The following PWWP2A variants were observed in gnomAD, a reference collection of about 807,000 sequenced individuals.
The protein encoded by PWWP2A is PWWP domain-containing protein 2A.
PWWP2A carries 18 observed loss-of-function variants against 48.5 expected under a neutral mutation model. The observed-to-expected ratio is 0.37, with a 90% CI of 0.26 to 0.55. The LOEUF is 0.55. PWWP2A is among the 20% of genes least tolerant of loss of function. The pLI, the probability that PWWP2A is intolerant of heterozygous loss-of-function variation, is 0.81. For missense variants in PWWP2A, 867 were observed against 976.4 expected (o/e 0.89, Z 1.49); for synonymous variants, 396 against 387.7 (o/e 1.02, Z -0.25).
At chr5:160,045,481 C>T in the PWWP2A span, among the ~76,000 whole-genome samples, 10 of 113,856 alleles carry the variant, frequency 8.8e-5, 1 homozygote, top group South Asian at 3.3e-4. Context: ...CACACACACA[C>T]ACACACACAC....
At chr5:160,089,578 C>A, downstream of PWWP2A, 2 of 1,288,370 alleles carry the variant, frequency 1.6e-6, no homozygotes, top group Non-Finnish European at 2.0e-6. Context: ...ATGTTCCTTC[C>A]AAATGATTAG....
At chr5:160,069,968 G>A (rs1359985590) in intron 2 of PWWP2A, among the ~76,000 whole-genome samples, 2 of 152,054 alleles carry the variant, frequency 1.3e-5, no homozygotes, top group Admixed American at 6.5e-5. Flanking sequence ...ACACTGTATC[G>A]TAACTACTTT....
the PWWP2A span, among the ~76,000 whole-genome samples, chr5:160,046,960 C>T: frequency 4.6e-5 from 7 of 151,946 alleles, no homozygotes; most frequent in Non-Finnish European, 7.4e-5. Context: ...TGCAGTGAGC[C>T]GAGATCACGC....
At chr5:160,081,161 C>A (rs1754202611) in intron 2 of PWWP2A, among the ~76,000 whole-genome samples, 1 of 151,866 alleles carries the variant, frequency 6.6e-6, no homozygotes, top group Admixed American at 6.6e-5. Context: ...AAGTCCTGAT[C>A]TTCTCAGTCA....
At chr5:160,053,159 G>A in the PWWP2A span, among the ~76,000 whole-genome samples, 1 of 152,144 alleles carries the variant, frequency 6.6e-6, no homozygotes, top group Non-Finnish European at 1.5e-5. Flanking sequence ...AGATTCCCTA[G>A]AGGCTAGACA....
chr5:160,066,161 G>C (rs1753600715), intron 4 of PWWP2A, among the ~76,000 whole-genome samples: 1 of 151,910 alleles, frequency 6.6e-6, no homozygotes, highest in South Asian at 2.1e-4. Context: ...GTTAAATCTG[G>C]CATCCAATTT....
At chr5:160,086,062 G>A (rs1040441430) in intron 2 of PWWP2A, among the ~76,000 whole-genome samples, 32 of 152,062 alleles carry the variant, frequency 2.1e-4, no homozygotes, top group Middle Eastern at 3.4e-3. Context: ...CAGGTGATCC[G>A]CCTGCCTCAG....
chr5:160,049,798 C>A, the PWWP2A span: 2 of 774,650 alleles, frequency 2.6e-6, no homozygotes, highest in Non-Finnish European at 3.7e-6. Flanking sequence ...ATATGGGAGG[C>A]CAGGCGCAGT....
downstream of PWWP2A, among the ~76,000 whole-genome samples, chr5:160,086,932 T>C (rs1425452462): frequency 7.9e-5 from 12 of 152,250 alleles, no homozygotes; most frequent in Non-Finnish European, 1.8e-4. Context: ...TTTTCCACTT[T>C]TTATGTCAGT....
At chr5:160,102,397 C>CAAAAAA (rs70988002) in intron 1 of PWWP2A, among the ~76,000 whole-genome samples, 5 of 64,216 alleles carry the variant, frequency 7.8e-5, no homozygotes, top group African/African-American at 2.6e-4. Context: ...GACTCCATCT[C>CAAAAAA]AAAAAAAAAA....
intron 2 of PWWP2A, among the ~76,000 whole-genome samples, chr5:160,069,570 A>C (rs1753693846): frequency 1.3e-5 from 2 of 152,140 alleles, no homozygotes; most frequent in Non-Finnish European, 2.9e-5. Context: ...GCTCAAAACA[A>C]CATTCTGTAG....
At position 160,116,745 on chromosome 5, in the gene PWWP2A, A is replaced by G. The variant is rs141466498; in HGVS notation, c.584+2060T>C. On this transcript the variant is annotated intron_variant, in intron 1 of 1. Transcript: ENST00000307063. ...CCAGATTCTCACACAATCACTGGCCATCTCTTCTGTTTCATTCAACAGCAT... is the reference window on the plus strand; with the variant it reads ...CCAGATTCTCACACAATCACTGGCCGTCTCTTCTGTTTCATTCAACAGCAT... 1.5e-4 allele frequency: 147 copies of G among 985,226 alleles called. No homozygotes were observed. The African/African-American group carries it at 2.3e-3, about 15-fold the overall frequency. 61.0% of individuals were successfully genotyped at this position (985,226 alleles called of 1,614,324 possible). A position where few individuals can be genotyped will look rare whatever the true frequency, so the allele number is the denominator to read the frequency against.
the PWWP2A span, among the ~76,000 whole-genome samples, chr5:160,054,381 A>C: frequency 1.3e-5 from 2 of 152,202 alleles, no homozygotes; most frequent in Non-Finnish European, 2.9e-5. Context: ...TGGGAGGCCA[A>C]GGTGGGAGGA....
downstream of PWWP2A, among the ~76,000 whole-genome samples, chr5:160,058,466 A>G (rs965561276): frequency 1.4e-5 from 2 of 142,260 alleles, no homozygotes; most frequent in Non-Finnish European, 3.0e-5. Flanking sequence ...GCTGGAGTGC[A>G]GTGGTGCGAT....
At chr5:160,073,264 T>C (rs1470570722), downstream of PWWP2A, among the ~76,000 whole-genome samples, 2 of 151,708 alleles carry the variant, frequency 1.3e-5, no homozygotes, top group African/African-American at 4.8e-5. Flanking sequence ...AGTCTCACTT[T>C]GTTGCCCAGG....
chr5:160,050,627 CTT>C, the PWWP2A span, among the ~76,000 whole-genome samples: 383 of 109,308 alleles, frequency 3.5e-3, no homozygotes, highest in Non-Finnish European at 4.7e-3. Flanking sequence ...CCAAACAAAA[CTT>C]TTTTTTTTTT....
chr5:160,068,096 G>A (rs1049805952), intron 2 of PWWP2A, among the ~76,000 whole-genome samples: 4 of 152,092 alleles, frequency 2.6e-5, no homozygotes, highest in African/African-American at 9.7e-5. Flanking sequence ...CAGGAGAATC[G>A]CTTGAACCCA....
intron 1 of PWWP2A, among the ~76,000 whole-genome samples, chr5:160,116,356 T>C (rs1758139842): frequency 6.6e-6 from 1 of 152,128 alleles, no homozygotes; most frequent in Admixed American, 6.6e-5. Context: ...CTCCGGAGGC[T>C]GAGGCAAGAG....
downstream of PWWP2A, among the ~76,000 whole-genome samples, chr5:160,061,423 A>G (rs1167809100): frequency 6.6e-6 from 1 of 152,162 alleles, no homozygotes; most frequent in Non-Finnish European, 1.5e-5. Flanking sequence ...TTCCTTGTCA[A>G]ATTCTAAGCT....
Sources: gnomAD v4.1 joint callset for allele counts (sites outside exome capture counted in the v4.1 genomes callset) on GRCh38, gnomAD v4.1.1 for gene constraint, MANE v1.5 for transcripts, NCBI Gene and HGNC (gene_info 2026-07-23, HGNC 2026-07-21) for gene names.